The following LRBA variants were observed in gnomAD, a reference collection of about 807,000 sequenced individuals.
LRBA encodes lipopolysaccharide-responsive and beige-like anchor protein.
LRBA carries 176 observed loss-of-function variants against 330.0 expected under a neutral mutation model. That is an observed-to-expected ratio of 0.53 (90% CI 0.47 to 0.60). The LOEUF (loss-of-function observed/expected upper bound fraction) is 0.60. Ranked by LOEUF, LRBA falls within the 20% of genes least tolerant of loss-of-function variation. The pLI, the probability that LRBA is intolerant of heterozygous loss-of-function variation, is 0.00. For synonymous variants in LRBA, 1,230 were observed against 1,193.0 expected (o/e 1.03, Z -0.64); for missense variants, 3,259 against 3,444.8 (o/e 0.95, Z 1.35).
intron 37 of LRBA, among the ~76,000 whole-genome samples, chr4:150,669,508 T>C (rs567765552): frequency 4.6e-5 from 7 of 152,206 alleles, no homozygotes; most frequent in Non-Finnish European, 1.0e-4. Flanking sequence ...ATGAACTTTA[T>C]ATTTTTGGAG....
chr4:150,592,144 G>GTTTTTTTTTTTTTTTTTTTTTTT (rs10685627), intron 38 of LRBA, among the ~76,000 whole-genome samples: 3 of 65,166 alleles, frequency 4.6e-5, no homozygotes, highest in East Asian at 6.4e-4. Context: ...GATGGCTAGG[G>GTTTTTTTTTTTTTTTTTTTTTTT]TTTTTTTTTT....
At chr4:150,750,161 A>G (rs965510621) in intron 35 of LRBA, among the ~76,000 whole-genome samples, 2 of 152,224 alleles carry the variant, frequency 1.3e-5, no homozygotes, top group Non-Finnish European at 2.9e-5. Flanking sequence ...TCATAACATT[A>G]TCCTGCTTTG....
intron 38 of LRBA, among the ~76,000 whole-genome samples, chr4:150,598,600 C>G (rs891650084): frequency 6.6e-6 from 1 of 152,038 alleles, no homozygotes; most frequent in Non-Finnish European, 1.5e-5. Context: ...TGCTAAAATA[C>G]CAGGATTGGG....
rs571047803 is a variant in LRBA at position 150,992,310 on chromosome 4, C to T, written c.216+22117G>A. On this transcript the variant is annotated intron_variant, in intron 2 of 56. Coordinates refer to ENST00000651943, the MANE Select transcript of LRBA (RefSeq NM_001364905.1). ...CAGACTGGGCAACAGAGCGAGACTCCGTCTCAAAAAAAAAAAAAAGGTAAC... is the reference window on the plus strand; with the variant it reads ...CAGACTGGGCAACAGAGCGAGACTCTGTCTCAAAAAAAAAAAAAAGGTAAC... Among the ~76,000 whole-genome samples, 18 of 96,552 alleles carry T rather than the reference C, an allele frequency of 1.9e-4. No homozygotes were observed. The East Asian group carries it at 3.9e-3, about 21-fold the overall frequency. 63.3% of individuals were successfully genotyped at this position (96,552 alleles called of 152,430 possible). A position where few individuals can be genotyped will look rare whatever the true frequency, so the allele number is the denominator to read the frequency against.
intron 17 of LRBA, among the ~76,000 whole-genome samples, chr4:150,874,047 A>T (rs559836366): frequency 1.3e-5 from 2 of 152,334 alleles, no homozygotes; most frequent in South Asian, 4.1e-4. Flanking sequence ...CCAAATAAAA[A>T]TTAAACCTTT....
At chr4:150,876,825 C>T (rs968628482) in intron 17 of LRBA, among the ~76,000 whole-genome samples, 4 of 152,130 alleles carry the variant, frequency 2.6e-5, no homozygotes, top group Non-Finnish European at 4.4e-5. Flanking sequence ...AACCAGCTAA[C>T]AACTTCATGA....
chr4:150,437,136 G>A (rs181707202), intron 44 of LRBA, among the ~76,000 whole-genome samples: 99 of 152,114 alleles, frequency 6.5e-4, no homozygotes, highest in African/African-American at 2.3e-3. Flanking sequence ...CCCATAACAA[G>A]CATCAGATAA....
At position 150,492,445 on chromosome 4, in the gene LRBA, G is replaced by T. The variant is rs148315442; in HGVS notation, c.6331-1410C>A. On this transcript the variant is annotated intron_variant, in intron 40 of 56. Coordinates refer to ENST00000651943, the MANE Select transcript of LRBA (RefSeq NM_001364905.1). The stretch of plus-strand genomic sequence containing the variant: ...AAATAAAGGTAAATGAACAGGAAAC[G>T]AGAGGACAAAAATATGAACATTACT... Among the ~76,000 whole-genome samples, 651 of 152,152 alleles carry T rather than the reference G, an allele frequency of 4.3e-3. 6 individuals carry two copies. The highest frequency in any genetic ancestry group is 0.013 in the African/African-American group (540 of 41,522).
intron 40 of LRBA, among the ~76,000 whole-genome samples, chr4:150,492,406 T>C (rs958231912): frequency 2.6e-5 from 4 of 152,174 alleles, no homozygotes; most frequent in Non-Finnish European, 5.9e-5. Context: ...AGTAATATAA[T>C]CAACGCCTAT....
At chr4:150,696,986 C>T (rs553519894) in intron 36 of LRBA, among the ~76,000 whole-genome samples, 1 of 150,884 alleles carries the variant, frequency 6.6e-6, no homozygotes, top group Admixed American at 6.6e-5. Flanking sequence ...TCTACTCCAG[C>T]CTGGGTGACA....
chr4:150,313,824 A>G (rs1244405653), intron 51 of LRBA, among the ~76,000 whole-genome samples: 2 of 138,536 alleles, frequency 1.4e-5, no homozygotes, highest in African/African-American at 5.7e-5. Context: ...TTTGTTTCAT[A>G]TAGAATATAT....
chr4:150,833,590 T>TA (rs938373422), intron 28 of LRBA, among the ~76,000 whole-genome samples: 10 of 151,850 alleles, frequency 6.6e-5, no homozygotes, highest in African/African-American at 1.2e-4. Context: ...GCATTGTATC[T>TA]AAAAAAAACG....
rs1395147571 is a variant in LRBA, at chr4:150,634,273, A to G, written c.5922-35142T>C. ...TTGTCATTCTTCATAGCATTTTCAC[A>G]ACAGTAAATTTGTATCTGTTTTATA... is the stretch of plus-strand genomic sequence containing the variant. On this transcript the variant is annotated intron_variant, in intron 37 of 56. Transcript: ENST00000651943. 5.9e-5 allele frequency among the ~76,000 whole-genome samples: 9 copies of G among 152,300 alleles called. No individual in the cohort carries two copies. The East Asian group carries it at 9.7e-4, about 16-fold the overall frequency.
intron 53 of LRBA, among the ~76,000 whole-genome samples, chr4:150,298,299 T>C (rs1276820390): frequency 6.6e-6 from 1 of 152,134 alleles, no homozygotes; most frequent in Admixed American, 6.5e-5. Context: ...ACTACTTTTC[T>C]TACAGACTTG....
intron 40 of LRBA, among the ~76,000 whole-genome samples, chr4:150,566,139 A>C (rs1769105488): frequency 6.6e-6 from 1 of 152,080 alleles, no homozygotes; most frequent in Non-Finnish European, 1.5e-5. Flanking sequence ...TGAAGCAGAA[A>C]GATTGCTTCA....
chr4:150,872,212 C>T (rs1753520063), intron 18 of LRBA, among the ~76,000 whole-genome samples: 1 of 152,178 alleles, frequency 6.6e-6, no homozygotes, highest in African/African-American at 2.4e-5. Context: ...AAATAAACTA[C>T]TTCTGGTACA....
At chr4:150,872,195 C>CT (rs1753518961) in intron 18 of LRBA, among the ~76,000 whole-genome samples, 1 of 152,134 alleles carries the variant, frequency 6.6e-6, no homozygotes, top group Non-Finnish European at 1.5e-5. Context: ...CCAAAATTTT[C>CT]TTTTTAAAAT....
intron 47 of LRBA, among the ~76,000 whole-genome samples, chr4:150,404,214 A>T (rs1292176638): frequency 6.6e-6 from 1 of 152,182 alleles, no homozygotes; most frequent in African/African-American, 2.4e-5. Flanking sequence ...TGAATCTCAC[A>T]TGAAGAAATG....
intron 2 of LRBA, among the ~76,000 whole-genome samples, chr4:150,995,040 G>T (rs551612128): frequency 6.6e-6 from 1 of 151,902 alleles, no homozygotes; most frequent in Non-Finnish European, 1.5e-5. Flanking sequence ...GAACTGCAGA[G>T]GAGGGTAAAC....
Sources: allele counts gnomAD v4.1 joint callset (sites outside exome capture counted in the v4.1 genomes callset), GRCh38; gene constraint gnomAD v4.1.1; transcripts MANE v1.5; gene names NCBI Gene and HGNC (gene_info 2026-07-23, HGNC 2026-07-21).